FGF14: variants seen among roughly 807,000 people sequenced by gnomAD.
FGF14 encodes the protein fibroblast growth factor homologous factor 4.
A neutral mutation model predicts 25.5 loss-of-function variants in FGF14; 5 were observed. The observed-to-expected ratio is 0.20, with a 90% CI of 0.10 to 0.41. The LOEUF is 0.41. FGF14 is among the 10% of genes least tolerant of loss of function. FGF14 has a pLI of 1.00. For synonymous variants in FGF14, 138 were observed against 118.3 expected (o/e 1.17, Z -1.08); for missense variants, 222 against 320.1 (o/e 0.69, Z 2.34).
At chr13:102,119,691 T>C (rs1336830579) in intron 1 of FGF14, among the ~76,000 whole-genome samples, 2 of 152,190 alleles carry the variant, frequency 1.3e-5, no homozygotes, top group Non-Finnish European at 2.9e-5. Context: ...ATGTTATATA[T>C]GTATGTATGT....
intron 1 of FGF14, among the ~76,000 whole-genome samples, chr13:102,389,509 C>G (rs1412901643): frequency 6.6e-6 from 1 of 152,204 alleles, no homozygotes. Context: ...TACTGCACAT[C>G]TTCTAACAGC....
intron 1 of FGF14, among the ~76,000 whole-genome samples, chr13:101,932,111 T>G (rs942106115): frequency 6.6e-6 from 1 of 152,264 alleles, no homozygotes; most frequent in African/African-American, 2.4e-5. Context: ...TATGCTGACC[T>G]GCAGCCTTGC....
intron 1 of FGF14, among the ~76,000 whole-genome samples, chr13:102,031,102 T>A (rs1331649650): frequency 1.3e-5 from 2 of 152,078 alleles, no homozygotes; most frequent in Non-Finnish European, 2.9e-5. Flanking sequence ...TGTTTTACAT[T>A]TATGCTTTAT....
intron 1 of FGF14, among the ~76,000 whole-genome samples, chr13:102,221,529 A>C (rs1411736572): frequency 2.0e-5 from 3 of 152,106 alleles, no homozygotes; most frequent in Admixed American, 6.6e-5. Context: ...TTAAAAGGAG[A>C]CCGCATATAA....
chr13:101,857,866 A>C lies in FGF14; in HGVS notation c.408+10859T>G, dbSNP rs141755866. ...AGTTTTAAAACTATATAAAATCCAT[A>C]GAAACAAACAACATAAAAAAGAAAA... On this transcript the variant is annotated intron_variant, in intron 3 of 4. Coordinates refer to ENST00000376143, the MANE Select transcript of FGF14 (RefSeq NM_004115.4). Among the ~76,000 whole-genome samples the C allele has an allele frequency of 6.1e-3, 923 of 152,150 alleles. 13 individuals are homozygous for C. The highest frequency in any genetic ancestry group is 0.021 in the African/African-American group (874 of 41,544).
At chr13:101,782,428 T>C (rs2140036529) in intron 3 of FGF14, among the ~76,000 whole-genome samples, 1 of 152,320 alleles carries the variant, frequency 6.6e-6, no homozygotes, top group South Asian at 2.1e-4. Context: ...TGCAGGTTTG[T>C]TACATAGGTC....
At chr13:101,918,100 TC>T (rs56974365), upstream of FGF14, among the ~76,000 whole-genome samples, 16,856 of 151,900 alleles carry the variant, frequency 0.11, 2,430 homozygotes, top group African/African-American at 0.33. Flanking sequence ...CGGCGTCTCC[TC>T]CCCCTTGATT....
At chr13:102,344,370 G>T (rs77856551) in intron 1 of FGF14, among the ~76,000 whole-genome samples, 3,964 of 152,278 alleles carry the variant, frequency 0.026, 68 homozygotes, top group Middle Eastern at 0.086. Flanking sequence ...ATTATAATAC[G>T]TGTTGCTTCT....
chr13:101,735,292 T>G (rs781676868), intron 3 of FGF14, among the ~76,000 whole-genome samples: 1 of 152,204 alleles, frequency 6.6e-6, no homozygotes, highest in Non-Finnish European at 1.5e-5. Context: ...CATATAATTA[T>G]CAATTTCACT....
chr13:101,719,724 G>T lies in FGF14; in HGVS notation c.*3107C>A, dbSNP rs982040219. ...CATGCAGAAGGAATGGAGTATTATAGAGACTTGATACAATGGACATATGCA... is the reference window on the plus strand; with the variant it reads ...CATGCAGAAGGAATGGAGTATTATATAGACTTGATACAATGGACATATGCA... On this transcript the variant is annotated 3_prime_UTR_variant, in exon 5 of 5. Transcript: ENST00000376143. 2.0e-5 allele frequency: 3 copies of T among 152,076 alleles called. No individual in the cohort carries two copies. Among genetic ancestry groups the T allele is most frequent in the African/African-American group, 7.2e-5 (3 of 41,416 alleles). 9.4% of individuals were successfully genotyped at this position (152,076 alleles called of 1,614,324 possible). A position where few individuals can be genotyped will look rare whatever the true frequency, so the allele number is the denominator to read the frequency against.
At chr13:102,293,998 A>C (rs1434064476) in intron 1 of FGF14, 1 of 152,202 alleles carries the variant, frequency 6.6e-6, no homozygotes. Context: ...GCGATATTCC[A>C]TGAGTATTCA....
intron 3 of FGF14, among the ~76,000 whole-genome samples, chr13:101,852,894 A>T (rs1470104665): frequency 6.6e-6 from 1 of 152,140 alleles, no homozygotes; most frequent in Non-Finnish European, 1.5e-5. Flanking sequence ...CATTTAGGTC[A>T]CTATTTAAAT....
chr13:101,865,775 A>T (rs983745608), intron 3 of FGF14, among the ~76,000 whole-genome samples: 4 of 152,180 alleles, frequency 2.6e-5, no homozygotes, highest in African/African-American at 9.6e-5. Context: ...AAATTAGATG[A>T]CCTGAGTATT....
chr13:101,945,847 T>A (rs2035770476), intron 1 of FGF14, among the ~76,000 whole-genome samples: 1 of 152,220 alleles, frequency 6.6e-6, no homozygotes, highest in South Asian at 2.1e-4. Flanking sequence ...ATTATGGCAC[T>A]GTTGCCCTCC....
chr13:102,184,965 A>G (rs1294475586), intron 1 of FGF14, among the ~76,000 whole-genome samples: 6 of 152,204 alleles, frequency 3.9e-5, no homozygotes, highest in Non-Finnish European at 8.8e-5. Context: ...AAGACAGAAT[A>G]TATCAATATG....
At chr13:102,036,615 T>C (rs1056269017) in intron 1 of FGF14, among the ~76,000 whole-genome samples, 3 of 151,604 alleles carry the variant, frequency 2.0e-5, no homozygotes, top group Non-Finnish European at 2.9e-5. Flanking sequence ...TTTCTGAAGA[T>C]ATAAGGAAGC....
intron 1 of FGF14, among the ~76,000 whole-genome samples, chr13:102,365,526 T>G (rs1566964730): frequency 6.6e-6 from 1 of 152,216 alleles, no homozygotes; most frequent in Admixed American, 6.5e-5. Context: ...GTAATTATAT[T>G]TCCCCATGCT....
intron 1 of FGF14, among the ~76,000 whole-genome samples, chr13:102,021,500 C>T (rs2040650115): frequency 6.6e-6 from 1 of 151,594 alleles, no homozygotes; most frequent in South Asian, 2.1e-4. Flanking sequence ...CTTGGTGGTG[C>T]CCTTTATGAG....
chr13:102,194,632 A>C (rs533746739), intron 1 of FGF14, among the ~76,000 whole-genome samples: 1 of 152,230 alleles, frequency 6.6e-6, no homozygotes, highest in Non-Finnish European at 1.5e-5. Context: ...AAGTGTACCA[A>C]CATCCACATA....
Sources: allele counts gnomAD v4.1 joint callset (sites outside exome capture counted in the v4.1 genomes callset), GRCh38; gene constraint gnomAD v4.1.1; transcripts MANE v1.5; gene names NCBI Gene and HGNC (gene_info 2026-07-23, HGNC 2026-07-21).